Variants in METTL15 observed in about 807,000 individuals in gnomAD.
METTL15 encodes the protein 12S rRNA N(4)-cytidine methyltransferase METTL15.
METTL15 carries 34 observed loss-of-function variants against 38.3 expected under a neutral mutation model. The observed-to-expected ratio is 0.89, with a 90% confidence interval of 0.68 to 1.18. The LOEUF is 1.18. METTL15 is among the 50% of genes most tolerant of loss of function. The pLI is 0.00. For synonymous variants in METTL15, 162 were observed against 170.9 expected, an observed-to-expected ratio of 0.95 and a Z score of 0.41; for missense variants, 438 against 498.4, an observed-to-expected ratio of 0.88 and a Z score of 1.15.
intron 4 of METTL15, among the ~76,000 whole-genome samples, chr11:28,236,349 T>C (rs1853970598): frequency 1.3e-5 from 2 of 152,202 alleles, no homozygotes; most frequent in Admixed American, 1.3e-4. Flanking sequence ...ATTCCCTCTT[T>C]TTCTATTGAT....
At chr11:28,467,245 G>A (rs1397435825) in intron 6 of METTL15, among the ~76,000 whole-genome samples, 3 of 152,186 alleles carry the variant, frequency 2.0e-5, no homozygotes, top group Non-Finnish European at 4.4e-5. Flanking sequence ...GGGTAGAGGG[G>A]TGGAGGATAA....
chr11:28,462,517 C>T (rs202185514), intron 6 of METTL15, among the ~76,000 whole-genome samples: 4 of 134,362 alleles, frequency 3.0e-5, no homozygotes, highest in Non-Finnish European at 6.5e-5. Context: ...CACACACACA[C>T]ACAGAATTTA....
At chr11:28,268,009 A>G (rs1855494707) in intron 4 of METTL15, among the ~76,000 whole-genome samples, 1 of 151,864 alleles carries the variant, frequency 6.6e-6, no homozygotes, top group Admixed American at 6.6e-5. Context: ...CATCCCGGCT[A>G]AAACGGTGAA....
At chr11:28,234,271 G>C (rs1012524698) in intron 4 of METTL15, among the ~76,000 whole-genome samples, 1 of 151,934 alleles carries the variant, frequency 6.6e-6, no homozygotes, top group Non-Finnish European at 1.5e-5. Context: ...ACATACATGT[G>C]CATGTGTCTT....
intron 6 of METTL15, among the ~76,000 whole-genome samples, chr11:28,463,585 T>C (rs554399699): frequency 7.2e-5 from 11 of 152,264 alleles, no homozygotes; most frequent in African/African-American, 2.6e-4. Context: ...AGTCATATGA[T>C]TCTGAAACTG....
chr11:28,204,727 A>T (rs1044150872), intron 3 of METTL15, among the ~76,000 whole-genome samples: 1 of 151,842 alleles, frequency 6.6e-6, no homozygotes, highest in African/African-American at 2.4e-5. Flanking sequence ...CTCCTTCATG[A>T]TTGTAATGAT....
intron 6 of METTL15, among the ~76,000 whole-genome samples, chr11:28,311,656 T>C (rs1297143174): frequency 6.6e-6 from 1 of 152,262 alleles, no homozygotes; most frequent in African/African-American, 2.4e-5. Context: ...TTTGTAAATT[T>C]ATCTTCTCTG....
intron 6 of METTL15, among the ~76,000 whole-genome samples, chr11:28,504,915 C>T (rs1359758419): frequency 6.6e-6 from 1 of 152,176 alleles, no homozygotes; most frequent in Non-Finnish European, 1.5e-5. Context: ...GGGAGCCTTG[C>T]TTAGGAGGCA....
chr11:28,336,921 A>G (rs1307662490), downstream of METTL15, among the ~76,000 whole-genome samples: 1 of 152,250 alleles, frequency 6.6e-6, no homozygotes, highest in South Asian at 2.1e-4. Context: ...CATTGTTACC[A>G]TAGGAGATGA....
At chr11:28,134,767 A>G in intron 3 of METTL15, 1 of 392,602 alleles carries the variant, frequency 2.5e-6, no homozygotes, top group Non-Finnish European at 4.5e-6. Flanking sequence ...GACATATATC[A>G]AAACGAAACA....
chr11:28,367,708 G>C (rs548579461), intron 5 of METTL15, among the ~76,000 whole-genome samples: 6 of 152,128 alleles, frequency 3.9e-5, no homozygotes, highest in African/African-American at 1.4e-4. Flanking sequence ...ATACTACAAG[G>C]CTACAGTAAC....
intron 4 of METTL15, among the ~76,000 whole-genome samples, chr11:28,255,127 C>T (rs1272049205): frequency 6.6e-6 from 1 of 152,038 alleles, no homozygotes; most frequent in Non-Finnish European, 1.5e-5. Context: ...TGTGTGTCCT[C>T]TACAATTTCT....
At chr11:28,524,238 G>A (rs2133514981) in intron 6 of METTL15, among the ~76,000 whole-genome samples, 1 of 152,282 alleles carries the variant, frequency 6.6e-6, no homozygotes, top group East Asian at 1.9e-4. Context: ...AACGATAATA[G>A]ATGAAATCTA....
chr11:28,413,903 T>A (rs1437386426), intron 5 of METTL15, among the ~76,000 whole-genome samples: 4 of 152,212 alleles, frequency 2.6e-5, no homozygotes, highest in South Asian at 2.1e-4. Context: ...TTTTCTAGAA[T>A]TTATGTTCCG....
At chr11:28,372,137 C>T (rs1163266232) in intron 5 of METTL15, among the ~76,000 whole-genome samples, 1 of 151,832 alleles carries the variant, frequency 6.6e-6, no homozygotes, top group Non-Finnish European at 1.5e-5. Flanking sequence ...CCATATATGG[C>T]CTTTATTATT....
intron 3 of METTL15, among the ~76,000 whole-genome samples, chr11:28,137,855 AT>A (rs763315592): frequency 2.6e-5 from 4 of 151,068 alleles, no homozygotes; most frequent in African/African-American, 9.8e-5. Context: ...AATTAGAGCT[AT>A]TTTTTATAAA....
chr11:28,486,920 G>T (rs1851444104), intron 6 of METTL15, among the ~76,000 whole-genome samples: 1 of 152,074 alleles, frequency 6.6e-6, no homozygotes. Context: ...TTCAGTGCTA[G>T]GTGTGGACAG....
At chr11:28,328,182 C>T in intron 6 of METTL15, 1 of 1,606,138 alleles carries the variant, frequency 6.2e-7, no homozygotes. Flanking sequence ...AGCTGGCCTT[C>T]CTTTTCAGTT....
intron 6 of METTL15, among the ~76,000 whole-genome samples, chr11:28,432,126 TTA>T (rs1850937796): frequency 1.3e-5 from 2 of 152,186 alleles, no homozygotes; most frequent in Non-Finnish European, 2.9e-5. Flanking sequence ...ATGCAAGGAG[TTA>T]TAATGGGGTT....
Sources: allele counts gnomAD v4.1 joint callset (sites outside exome capture counted in the v4.1 genomes callset), GRCh38; gene constraint gnomAD v4.1.1; transcripts MANE v1.5; gene names NCBI Gene and HGNC (gene_info 2026-07-23, HGNC 2026-07-21).